FARP1: variants seen among roughly 807,000 people sequenced by gnomAD.
FARP1 encodes FERM, ARH/RhoGEF and pleckstrin domain protein 1, also known as FERM, ARHGEF and pleckstrin domain-containing protein 1.
In FARP1, 52 loss-of-function variants were observed where a neutral mutation model predicts 128.8. The ratio of observed to expected loss-of-function variants is 0.40; its 90% confidence interval spans 0.32 to 0.51. FARP1 has a LOEUF of 0.51. Ranked by LOEUF, FARP1 falls within the 20% of genes least tolerant of loss-of-function variation. The probability of loss-of-function intolerance (pLI) is 0.45; values close to 1 mark genes in which losing one functional copy is unlikely to be tolerated. For missense variants in FARP1, 1,333 were observed against 1,367.9 expected (o/e 0.97, Z 0.40); for synonymous variants, 580 against 551.8 (o/e 1.05, Z -0.72).
chr13:98,266,692 A>G (rs1274029666), intron 2 of FARP1, among the ~76,000 whole-genome samples: 4 of 152,150 alleles, frequency 2.6e-5, no homozygotes, highest in African/African-American at 4.8e-5. Context: ...TTAATTATCA[A>G]TAAGACACAC....
intron 2 of FARP1, among the ~76,000 whole-genome samples, chr13:98,220,329 T>A: frequency 6.6e-6 from 1 of 152,110 alleles, no homozygotes; most frequent in East Asian, 1.9e-4. Flanking sequence ...CAAATAAAAT[T>A]TAATTGGCCC....
chr13:98,348,492 G>T (rs551338557), intron 3 of FARP1, among the ~76,000 whole-genome samples: 1 of 152,360 alleles, frequency 6.6e-6, no homozygotes, highest in Admixed American at 6.5e-5. Context: ...CCCTCGAAAC[G>T]GACTTTGCAG....
intron 1 of FARP1, among the ~76,000 whole-genome samples, chr13:98,168,040 C>T (rs1257810987): frequency 4.0e-5 from 6 of 151,806 alleles, no homozygotes; most frequent in Admixed American, 1.3e-4. Flanking sequence ...GGCGTGGTGG[C>T]GGGTGCCTGT....
intron 2 of FARP1, among the ~76,000 whole-genome samples, chr13:98,273,704 A>G (rs925894739): frequency 7.2e-5 from 11 of 152,354 alleles, no homozygotes; most frequent in African/African-American, 2.6e-4. Flanking sequence ...TTCTGTTGAT[A>G]ACATAGCTCG....
intron 2 of FARP1, chr13:98,244,622 T>A: frequency 6.2e-7 from 1 of 1,614,192 alleles, no homozygotes; most frequent in Non-Finnish European, 8.5e-7. Context: ...TTCTCACTCA[T>A]CTTACAGGCT....
At chr13:98,222,700 C>T (rs555138410) in intron 2 of FARP1, among the ~76,000 whole-genome samples, 1 of 151,820 alleles carries the variant, frequency 6.6e-6, no homozygotes, top group Non-Finnish European at 1.5e-5. Context: ...CCGCTCACTG[C>T]AACCTCCGCC....
chr13:98,442,123 C>G, intron 24 of FARP1, among the ~76,000 whole-genome samples: 1 of 152,240 alleles, frequency 6.6e-6, no homozygotes, highest in East Asian at 1.9e-4. Flanking sequence ...CGCAGAATCT[C>G]TGCCCCCGCG....
chr13:98,453,102 T>C lies in FARP1; in HGVS notation c.*4785T>C. ...TCGGTGGAGTCAGCGAAGGCTCTCGTTGACTTTTAAAAAAGGAGGAGGATG... is the reference window on the plus strand; with the variant it reads ...TCGGTGGAGTCAGCGAAGGCTCTCGCTGACTTTTAAAAAAGGAGGAGGATG... On this transcript the variant is annotated 3_prime_UTR_variant, in exon 27 of 27. Transcript: ENST00000319562. 4 of 1,577,340 alleles carry C rather than the reference T, an allele frequency of 2.5e-6. No homozygotes were observed. The highest frequency in any genetic ancestry group is 3.5e-6 in the Non-Finnish European group (4 of 1,150,792).
rs368911842 is a variant in FARP1, at chr13:98,277,109, TACACACACACAC to T, written c.171+63725_171+63736del. Reference sequence around the variant, plus strand: ...AGCTCTTGGATCTGCTCTAGAAAAATACACACACACACACACACACACACACACACACACACA... The same window carrying T: ...AGCTCTTGGATCTGCTCTAGAAAAATACACACACACACACACACACACACA... On this transcript the variant is annotated intron_variant, in intron 2 of 26. Transcript: ENST00000319562. Among the ~76,000 whole-genome samples, 5 of 118,196 alleles carry T rather than the reference TACACACACACAC, an allele frequency of 4.2e-5. No individual in the cohort carries two copies. The East Asian group carries it at 8.3e-4, about 20-fold the overall frequency. 77.5% of individuals were successfully genotyped at this position (118,196 alleles called of 152,430 possible). A position where few individuals can be genotyped will look rare whatever the true frequency, so the allele number is the denominator to read the frequency against.
At chr13:98,244,308 TG>T (rs141765492) in intron 2 of FARP1, among the ~76,000 whole-genome samples, 4,105 of 152,288 alleles carry the variant, frequency 0.027, 161 homozygotes, top group African/African-American at 0.093. Context: ...ACATAACTAA[TG>T]TATACAATTT....
intron 2 of FARP1, among the ~76,000 whole-genome samples, chr13:98,263,155 G>T (rs1244690903): frequency 6.6e-6 from 1 of 152,016 alleles, no homozygotes; most frequent in Non-Finnish European, 1.5e-5. Context: ...ATTACATGCT[G>T]TGCCACCATG....
At chr13:98,232,145 G>GTTTTTTTTTTTTTTT (rs59209045) in intron 2 of FARP1, among the ~76,000 whole-genome samples, 44 of 105,754 alleles carry the variant, frequency 4.2e-4, no homozygotes, top group African/African-American at 4.6e-4. Flanking sequence ...TGTTTGGTTG[G>GTTTTTTTTTTTTTTT]TTTTTTTTTT....
chr13:98,197,640 A>C (rs1434756909), intron 1 of FARP1, among the ~76,000 whole-genome samples: 1 of 151,368 alleles, frequency 6.6e-6, no homozygotes, highest in Admixed American at 6.6e-5. Flanking sequence ...AAACTTCCTT[A>C]ATTTTTTTTT....
chr13:98,176,721 C>T lies in FARP1; in HGVS notation c.-24+33229C>T, dbSNP rs1566701902. 5 of 1,614,038 alleles carry T rather than the reference C, an allele frequency of 3.1e-6. No individual in the cohort carries two copies. Among genetic ancestry groups the T allele is most frequent in the East Asian group, 4.5e-5 (2 of 44,878 alleles). On this transcript the variant is annotated intron_variant, in intron 1 of 26. Transcript: ENST00000319562. The surrounding 1 kb of genome is among the most constrained non-coding windows in gnomAD (Gnocchi z 6.2). ...CTGGCGCACGTATGGGGCCCTTCCTCGCCATCCCCGAGGAGGAGTTGCCCA... is the reference window on the plus strand; with the variant it reads ...CTGGCGCACGTATGGGGCCCTTCCTTGCCATCCCCGAGGAGGAGTTGCCCA...
At position 98,439,497 on chromosome 13, in the gene FARP1, G is replaced by A. The variant is rs1332015968; in HGVS notation, c.2433+301G>A. Among the ~76,000 whole-genome samples the A allele has an allele frequency of 4.6e-5, 7 of 152,122 alleles. No homozygotes were observed. The East Asian group carries it at 9.7e-4, about 21-fold the overall frequency. ...AGTGAAAGGGTAAGCTGACAAGGCC[G>A]CGTGGCATGAACTCGCCTCCCACAG... On this transcript the variant is annotated intron_variant, in intron 21 of 26. Transcript: ENST00000319562.
chr13:98,347,748 C>A (rs889726145), intron 3 of FARP1, among the ~76,000 whole-genome samples: 81 of 152,160 alleles, frequency 5.3e-4, no homozygotes, highest in Non-Finnish European at 1.2e-4. Context: ...GTGACTGTCA[C>A]CTCTGCCAGT....
At chr13:98,219,249 G>A (rs1881274940) in intron 2 of FARP1, among the ~76,000 whole-genome samples, 1 of 152,168 alleles carries the variant, frequency 6.6e-6, no homozygotes, top group Non-Finnish European at 1.5e-5. Flanking sequence ...TCCTCTTTGT[G>A]GCCCTGCAGT....
intron 1 of FARP1, among the ~76,000 whole-genome samples, chr13:98,168,134 T>C (rs886527259): frequency 1.5e-4 from 23 of 150,504 alleles, no homozygotes; most frequent in African/African-American, 5.4e-4. Flanking sequence ...ATCGTGCCAC[T>C]GCACTCCAGC....
intron 9 of FARP1, among the ~76,000 whole-genome samples, chr13:98,388,878 G>A (rs545381686): frequency 6.6e-6 from 1 of 152,336 alleles, no homozygotes; most frequent in Admixed American, 6.5e-5. Flanking sequence ...CCTGCTGGAG[G>A]CCCTGAGCCC....
Sources: allele counts gnomAD v4.1 joint callset (sites outside exome capture counted in the v4.1 genomes callset), GRCh38; gene constraint gnomAD v4.1.1; non-coding constraint Gnocchi (gnomAD v3.1); transcripts MANE v1.5; gene names NCBI Gene and HGNC (gene_info 2026-07-23, HGNC 2026-07-21).